Variants in LOC400499 observed in about 807,000 individuals in gnomAD.
the LOC400499 span, among the ~76,000 whole-genome samples, chr16:11,475,355 A>G: frequency 1.3e-5 from 2 of 152,182 alleles, no homozygotes; most frequent in Non-Finnish European, 2.9e-5. Flanking sequence ...ACAAATAAAT[A>G]AATATTGAAG....
the LOC400499 span, chr16:11,461,003 G>A: frequency 3.3e-6 from 5 of 1,536,068 alleles, no homozygotes; most frequent in Non-Finnish European, 4.4e-6. Context: ...TTGGTCCAGA[G>A]CTGGCCCCGT....
At chr16:11,481,776 G>A in the LOC400499 span, among the ~76,000 whole-genome samples, 1 of 151,972 alleles carries the variant, frequency 6.6e-6, no homozygotes, top group Non-Finnish European at 1.5e-5. Context: ...GGTATTACAG[G>A]TGCACACCAC....
At chr16:11,391,584 C>G in the LOC400499 span, 1 of 1,147,530 alleles carries the variant, frequency 8.7e-7, no homozygotes, top group Non-Finnish European at 1.1e-6. Context: ...TGCCACAGGC[C>G]AATGTGAGCG....
At chr16:11,477,370 C>T in the LOC400499 span, among the ~76,000 whole-genome samples, 1 of 152,228 alleles carries the variant, frequency 6.6e-6, no homozygotes, top group East Asian at 1.9e-4. Flanking sequence ...GTTCCAGAAT[C>T]GGACCAAATA....
chr16:11,415,884 T>G, the LOC400499 span, among the ~76,000 whole-genome samples: 1 of 152,078 alleles, frequency 6.6e-6, no homozygotes, highest in African/African-American at 2.4e-5. Flanking sequence ...AATTTCCCCA[T>G]GTGATCCTGT....
At chr16:11,504,560 C>A in the LOC400499 span, among the ~76,000 whole-genome samples, 102 of 147,292 alleles carry the variant, frequency 6.9e-4, no homozygotes, top group Admixed American at 3.0e-3. Context: ...CGTCCCCCCC[C>A]CCAAAAAAAA....
At chr16:11,384,334 A>G in the LOC400499 span, 1 of 1,228,036 alleles carries the variant, frequency 8.1e-7, no homozygotes, top group Non-Finnish European at 1.0e-6. Flanking sequence ...GCCTGTGGGG[A>G]AGAGGGAAGC....
the LOC400499 span, among the ~76,000 whole-genome samples, chr16:11,499,896 G>A: frequency 6.6e-6 from 1 of 152,192 alleles, no homozygotes; most frequent in African/African-American, 2.4e-5. Flanking sequence ...CAGAGCAGCT[G>A]CAATCCCTTG....
chr16:11,485,563 G>A, the LOC400499 span, among the ~76,000 whole-genome samples: 172 of 152,140 alleles, frequency 1.1e-3, 1 homozygote, highest in African/African-American at 3.9e-3. Flanking sequence ...CCATCTGCCC[G>A]TCCGCGCACC....
chr16:11,436,752 T>A, the LOC400499 span, among the ~76,000 whole-genome samples: 2 of 151,768 alleles, frequency 1.3e-5, no homozygotes, highest in Non-Finnish European at 2.9e-5. Flanking sequence ...CATGCCCAGC[T>A]AATTTTTTTT....
chr16:11,488,681 G>A, the LOC400499 span: 1 of 398,844 alleles, frequency 2.5e-6, no homozygotes, highest in Non-Finnish European at 4.4e-6. Context: ...TTCCAGAGCA[G>A]GACAGGGGCT....
chr16:11,389,211 C>G, the LOC400499 span, among the ~76,000 whole-genome samples: 1 of 152,184 alleles, frequency 6.6e-6, no homozygotes, highest in African/African-American at 2.4e-5. Flanking sequence ...TCCTCAAAGC[C>G]AGTCATGGCC....
chr16:11,458,005 C>T, the LOC400499 span, among the ~76,000 whole-genome samples: 2 of 152,180 alleles, frequency 1.3e-5, no homozygotes, highest in African/African-American at 4.8e-5. Flanking sequence ...AGTTCGAGAC[C>T]AGCCTGGCCA....
At chr16:11,465,800 A>G in the LOC400499 span, among the ~76,000 whole-genome samples, 1 of 136,196 alleles carries the variant, frequency 7.3e-6, no homozygotes, top group Non-Finnish European at 1.6e-5. Flanking sequence ...AGAGAGGGGG[A>G]AAGAGACTGG....
the LOC400499 span, among the ~76,000 whole-genome samples, chr16:11,446,387 G>A: frequency 6.6e-6 from 1 of 151,958 alleles, no homozygotes; most frequent in Non-Finnish European, 1.5e-5. Flanking sequence ...CAAACTCCTG[G>A]TCTTAAGCGA....
chr16:11,418,456 T>G, the LOC400499 span, among the ~76,000 whole-genome samples: 2 of 152,140 alleles, frequency 1.3e-5, no homozygotes, highest in Admixed American at 1.3e-4. Context: ...CCTCTGGTCG[T>G]CCTCACTGCT....
chr16:11,459,995 G>A, the LOC400499 span: 76 of 1,508,358 alleles, frequency 5.0e-5, no homozygotes, highest in Non-Finnish European at 6.2e-5. Flanking sequence ...AGTGCTTCCC[G>A]TAGCTCACCT....
At chr16:11,504,489 G>C in the LOC400499 span, among the ~76,000 whole-genome samples, 2 of 152,080 alleles carry the variant, frequency 1.3e-5, no homozygotes, top group East Asian at 1.9e-4. Context: ...AGGAGGTGGA[G>C]TTTGCAGTGA....
chr16:11,385,474 G>T, the LOC400499 span: 1 of 1,146,692 alleles, frequency 8.7e-7, no homozygotes, highest in Non-Finnish European at 1.1e-6. Flanking sequence ...CACCGCAGTA[G>T]GAGCCCAATG....
Sources: allele counts gnomAD v4.1 joint callset (sites outside exome capture counted in the v4.1 genomes callset), GRCh38; gene constraint gnomAD v4.1.1; transcripts MANE v1.5.